The following PCDH15 variants were observed in gnomAD, a reference collection of about 807,000 sequenced individuals.
PCDH15 encodes protocadherin related 15.
PCDH15 carries 129 observed loss-of-function variants against 178.5 expected under a neutral mutation model. The ratio of observed to expected loss-of-function variants is 0.72; its 90% confidence interval spans 0.63 to 0.84. PCDH15 has a LOEUF of 0.84. Ranked by LOEUF, PCDH15 falls within the 40% of genes least tolerant of loss-of-function variation. PCDH15 has a pLI of 0.00. For missense variants in PCDH15, 2,230 were observed against 2,099.9 expected (o/e 1.06, Z -1.21); for synonymous variants, 800 against 732.0 (o/e 1.09, Z -1.50).
At chr10:54,447,400 C>T (rs1341966272) in intron 3 of PCDH15, among the ~76,000 whole-genome samples, 3 of 151,556 alleles carry the variant, frequency 2.0e-5, no homozygotes, top group Non-Finnish European at 4.4e-5. Flanking sequence ...TCCCCCATGC[C>T]CTAGCTTCTG....
chr10:53,861,536 T>C (rs1300107393), intron 27 of PCDH15, among the ~76,000 whole-genome samples: 1 of 152,086 alleles, frequency 6.6e-6, no homozygotes, highest in Non-Finnish European at 1.5e-5. Context: ...TGCTGTCCAA[T>C]AGAAATACAA....
chr10:55,301,646 A>G (rs914662297), intron 1 of PCDH15, among the ~76,000 whole-genome samples: 1 of 152,098 alleles, frequency 6.6e-6, no homozygotes. Context: ...TACTTTTGAT[A>G]TCAAGTCTAA....
chr10:54,765,623 C>T (rs1314135658), intron 1 of PCDH15, among the ~76,000 whole-genome samples: 2 of 152,058 alleles, frequency 1.3e-5, no homozygotes, highest in African/African-American at 2.4e-5. Context: ...GTGAAAAATA[C>T]CTAATGACCT....
At chr10:54,311,224 C>T (rs923538342) in intron 8 of PCDH15, among the ~76,000 whole-genome samples, 1 of 151,840 alleles carries the variant, frequency 6.6e-6, no homozygotes, top group Non-Finnish European at 1.5e-5. Flanking sequence ...TACTGAAAAC[C>T]ACATGGTGCA....
intron 8 of PCDH15, among the ~76,000 whole-genome samples, chr10:54,287,396 C>T (rs187301278): frequency 1.3e-4 from 20 of 152,188 alleles, no homozygotes; most frequent in Non-Finnish European, 1.6e-4. Flanking sequence ...GTTTCTGTTT[C>T]ATGTAGCACA....
Position 54,664,172 on chromosome 10 carries a change from C to G in PCDH15, c.91G>C (p.Asp31His). The G allele has an allele frequency of 6.2e-7, 1 of 1,610,766 alleles. No individual in the cohort carries two copies. The highest frequency in any genetic ancestry group is 8.5e-7 in the Non-Finnish European group (1 of 1,177,798). ...FEICLGQYDDDCKLARGGPPA... is the reference protein window; with the variant it reads ...FEICLGQYDDHCKLARGGPPA... The stretch of plus-strand genomic sequence containing the variant: ...AAGGTCAAGCTAAAAGCAACCTTAC[C>G]ATCATCATACTGGCCCAAGCAGATT... Residue 31 changes from aspartate (D) to histidine (H), a missense_variant and splice_region_variant, in exon 2 of 38, where the codon GAT becomes CAT. Transcript: ENST00000644397.
At chr10:54,253,685 G>A (rs901293498) in intron 8 of PCDH15, among the ~76,000 whole-genome samples, 2 of 151,954 alleles carry the variant, frequency 1.3e-5, no homozygotes, top group Non-Finnish European at 2.9e-5. Context: ...GTGAACTTTA[G>A]TAATATTAAA....
chr10:54,956,364 A>C (rs1440406127), intron 2 of PCDH15, among the ~76,000 whole-genome samples: 1 of 151,550 alleles, frequency 6.6e-6, no homozygotes, highest in Non-Finnish European at 1.5e-5. Flanking sequence ...ATTTTTCTCC[A>C]TGAGTGGCAG....
chr10:54,796,295 T>G (rs1403368005), intron 1 of PCDH15, among the ~76,000 whole-genome samples: 1 of 149,024 alleles, frequency 6.7e-6, no homozygotes, highest in South Asian at 2.1e-4. Flanking sequence ...TCTATCTATC[T>G]ATCTATCTAT....
intron 2 of PCDH15, among the ~76,000 whole-genome samples, chr10:54,643,728 T>A (rs1017961984): frequency 6.6e-6 from 1 of 151,644 alleles, no homozygotes; most frequent in East Asian, 1.9e-4. Flanking sequence ...TCTGGGCTTT[T>A]AAATCACATA....
At chr10:53,939,836 G>A (rs1245404776) in intron 24 of PCDH15, among the ~76,000 whole-genome samples, 1 of 152,076 alleles carries the variant, frequency 6.6e-6, no homozygotes, top group Admixed American at 6.6e-5. Flanking sequence ...CAAAGAAAAG[G>A]ACAAATAGAA....
chr10:54,525,731 C>G (rs2083301063), intron 3 of PCDH15, among the ~76,000 whole-genome samples: 1 of 152,152 alleles, frequency 6.6e-6, no homozygotes, highest in Non-Finnish European at 1.5e-5. Context: ...AATGCTGGGA[C>G]TACAGGCATG....
intron 1 of PCDH15, among the ~76,000 whole-genome samples, chr10:54,754,127 T>TC (rs1196642892): frequency 3.3e-5 from 5 of 151,868 alleles, no homozygotes; most frequent in African/African-American, 4.8e-5. Flanking sequence ...CGCGCCCGGC[T>TC]CCCCAAATCT....
chr10:55,493,915 T>C (rs1270042617), intron 2 of PCDH15, among the ~76,000 whole-genome samples: 1 of 151,884 alleles, frequency 6.6e-6, no homozygotes, highest in East Asian at 1.9e-4. Flanking sequence ...TCTCAGCTAA[T>C]TTAGGTAATT....
intron 2 of PCDH15, among the ~76,000 whole-genome samples, chr10:55,165,631 G>A (rs1839175321): frequency 6.6e-6 from 1 of 151,956 alleles, no homozygotes; most frequent in South Asian, 2.1e-4. Context: ...TATGATAAAT[G>A]CTATTCATAT....
At chr10:55,136,744 T>C (rs1411907298) in intron 2 of PCDH15, among the ~76,000 whole-genome samples, 1 of 152,068 alleles carries the variant, frequency 6.6e-6, no homozygotes. Context: ...GACCAAACAT[T>C]GAAAGAAATA....
intron 17 of PCDH15, among the ~76,000 whole-genome samples, chr10:54,077,906 T>C (rs1412594910): frequency 6.6e-6 from 1 of 152,054 alleles, no homozygotes; most frequent in African/African-American, 2.4e-5. Flanking sequence ...CTACTAAAAA[T>C]ACAAAAATTA....
At chr10:54,404,603 G>T (rs1333255616) in intron 3 of PCDH15, among the ~76,000 whole-genome samples, 1 of 152,054 alleles carries the variant, frequency 6.6e-6, no homozygotes, top group Non-Finnish European at 1.5e-5. Context: ...AAGATGGCAT[G>T]ACCAAGATGC....
At chr10:55,223,658 A>C (rs1312230135) in intron 1 of PCDH15, among the ~76,000 whole-genome samples, 1 of 152,138 alleles carries the variant, frequency 6.6e-6, no homozygotes, top group Non-Finnish European at 1.5e-5. Flanking sequence ...CCCCCTCATT[A>C]AATTTACACA....
Sources: allele counts gnomAD v4.1 joint callset (sites outside exome capture counted in the v4.1 genomes callset), GRCh38; gene constraint gnomAD v4.1.1; transcripts MANE v1.5; gene names NCBI Gene and HGNC (gene_info 2026-07-23, HGNC 2026-07-21).